SLCO1B3: variants seen among roughly 807,000 people sequenced by gnomAD.
The protein encoded by SLCO1B3 is liver-specific organic anion transporter 2.
Under a neutral mutation model 71.8 loss-of-function variants are expected in SLCO1B3, and 72 were observed. The observed-to-expected ratio is 1.00, with a 90% CI of 0.83 to 1.22. SLCO1B3 has a LOEUF of 1.22. SLCO1B3 is among the 50% of genes most tolerant of loss of function. The pLI, the probability that SLCO1B3 is intolerant of heterozygous loss-of-function variation, is 0.00. For missense variants in SLCO1B3, 911 were observed against 819.7 expected (o/e 1.11, Z -1.36); for synonymous variants, 298 against 278.4 (o/e 1.07, Z -0.70).
At chr12:20,833,903 GTATA>G (rs1376004618) in intron 3 of SLCO1B3, among the ~76,000 whole-genome samples, 13 of 144,384 alleles carry the variant, frequency 9.0e-5, no homozygotes, top group Non-Finnish European at 1.4e-4. Flanking sequence ...ATATATTCAT[GTATA>G]TATAGTAAAC....
chr12:20,833,797 AGT>A (rs1160659803), intron 3 of SLCO1B3, among the ~76,000 whole-genome samples: 2 of 147,730 alleles, frequency 1.4e-5, no homozygotes, highest in African/African-American at 2.5e-5. Context: ...TATTTCATAA[AGT>A]GTGTGTGTAT....
intron 15 of SLCO1B3, among the ~76,000 whole-genome samples, chr12:20,913,324 A>C (rs972178199): frequency 2.6e-5 from 4 of 152,170 alleles, no homozygotes; most frequent in Non-Finnish European, 2.9e-5. Context: ...CTATGGTGAA[A>C]TTGGTTTCAT....
chr12:20,898,595 A>G lies in SLCO1B3; in HGVS notation c.1747+95A>G, dbSNP rs964995555. On this transcript the variant is annotated intron_variant, in intron 14 of 15. Coordinates refer to ENST00000381545, the MANE Select transcript of SLCO1B3 (RefSeq NM_019844.4). ...AATTAATTTTCAACTATAAGACTGT[A>G]TAAAAAAGAATAGGTAAGAATCATT... The G allele has an allele frequency of 9.3e-6, 5 of 537,038 alleles. No homozygotes were observed. The African/African-American group carries it at 9.9e-5, about 11-fold the overall frequency. 33.3% of individuals were successfully genotyped at this position (537,038 alleles called of 1,614,324 possible). A position where few individuals can be genotyped will look rare whatever the true frequency, so the allele number is the denominator to read the frequency against.
At chr12:20,845,199 C>CCAACG in intron 3 of SLCO1B3, 1 of 354,464 alleles carries the variant, frequency 2.8e-6, no homozygotes, top group Non-Finnish European at 5.7e-6. Context: ...ATGGGAGAAG[C>CCAACG]AGATCTACAC....
rs551216184 is a variant in SLCO1B3 at position 20,914,634 on chromosome 12, G to A, written c.1866-1370G>A. On this transcript the variant is annotated intron_variant, in intron 15 of 15. Coordinates refer to ENST00000381545, the MANE Select transcript of SLCO1B3 (RefSeq NM_019844.4). ...TTCTTCCATCTTTATGTATATCCGA[G>A]TTTATGACCTATATCATTTTCCTTC... is the stretch of plus-strand genomic sequence containing the variant. Among the ~76,000 whole-genome samples the A allele has an allele frequency of 4.6e-5, 7 of 152,036 alleles. No homozygotes were observed. In the South Asian group the frequency reaches 1.5e-3, roughly 32 times the overall value.
intron 8 of SLCO1B3, among the ~76,000 whole-genome samples, chr12:20,871,311 C>G (rs1442347450): frequency 6.6e-6 from 1 of 152,132 alleles, no homozygotes; most frequent in Non-Finnish European, 1.5e-5. Context: ...AATTCCTTCT[C>G]TGTGTTATCT....
At chr12:20,888,361 T>C (rs559428963) in intron 13 of SLCO1B3, among the ~76,000 whole-genome samples, 86 of 152,112 alleles carry the variant, frequency 5.7e-4, no homozygotes, top group African/African-American at 2.0e-3. Context: ...TTTTGTGACA[T>C]ATATGACTTT....
chr12:20,896,752 G>A (rs1013352736), intron 13 of SLCO1B3, among the ~76,000 whole-genome samples: 4 of 152,034 alleles, frequency 2.6e-5, no homozygotes, highest in Non-Finnish European at 5.9e-5. Context: ...CCACTCTACC[G>A]GTACCAATTT....
chr12:20,861,659 G>T (rs1173551466), intron 6 of SLCO1B3, among the ~76,000 whole-genome samples: 1 of 152,092 alleles, frequency 6.6e-6, no homozygotes, highest in Non-Finnish European at 1.5e-5. Context: ...AAATGTTATA[G>T]CATTTGAAGA....
At position 20,913,221 on chromosome 12, in the gene SLCO1B3, G is replaced by C. The variant is rs370210115; in HGVS notation, c.1866-2783G>C. Among the ~76,000 whole-genome samples, 124 of 152,200 alleles carry C rather than the reference G, an allele frequency of 8.1e-4. 2 individuals are homozygous for C. In the South Asian group the frequency reaches 0.025, roughly 30 times the overall value. ...ATAATTGTGGGTTCATTTACATTAA[G>C]TATCCACTTAACATTGTCCATAGGT... On this transcript the variant is annotated intron_variant, in intron 15 of 15. Coordinates refer to ENST00000381545, the MANE Select transcript of SLCO1B3 (RefSeq NM_019844.4).
chr12:20,867,973 T>C (rs1865405704), intron 8 of SLCO1B3, among the ~76,000 whole-genome samples: 1 of 152,176 alleles, frequency 6.6e-6, no homozygotes, highest in South Asian at 2.1e-4. Context: ...CCTCTACCTG[T>C]TCAATGTGAA....
At chr12:20,872,807 G>T (rs1249735691) in intron 8 of SLCO1B3, among the ~76,000 whole-genome samples, 1 of 152,022 alleles carries the variant, frequency 6.6e-6, no homozygotes, top group Non-Finnish European at 1.5e-5. Flanking sequence ...AAAATATTTT[G>T]CAATCTATGC....
chr12:20,863,261 G>A (rs189315032), intron 8 of SLCO1B3, among the ~76,000 whole-genome samples: 1,978 of 152,120 alleles, frequency 0.013, 28 homozygotes, highest in Non-Finnish European at 0.02. Flanking sequence ...TACGGCAGGG[G>A]TGGGTTAAGA....
chr12:20,865,069 A>G (rs755977143), intron 8 of SLCO1B3, among the ~76,000 whole-genome samples: 1 of 152,084 alleles, frequency 6.6e-6, no homozygotes, highest in South Asian at 2.1e-4. Flanking sequence ...GAATTTTCCA[A>G]TTTTTAAGAT....
intron 13 of SLCO1B3, among the ~76,000 whole-genome samples, chr12:20,890,759 T>C (rs757964659): frequency 6.6e-6 from 1 of 152,226 alleles, no homozygotes; most frequent in Non-Finnish European, 1.5e-5. Context: ...ATCCTTTATA[T>C]GATAACCTTC....
intron 15 of SLCO1B3, among the ~76,000 whole-genome samples, chr12:20,913,915 C>G (rs1332775939): frequency 6.6e-6 from 1 of 152,076 alleles, no homozygotes; most frequent in Admixed American, 6.6e-5. Flanking sequence ...ACATGCCTAG[C>G]TAATTTTTTG....
chr12:20,885,759 C>T (rs752679821), intron 13 of SLCO1B3, among the ~76,000 whole-genome samples: 4 of 151,620 alleles, frequency 2.6e-5, no homozygotes, highest in African/African-American at 7.3e-5. Context: ...AAGAGAGGTA[C>T]GAAGTACAAT....
At chr12:20,857,934 A>C (rs1865174756) in intron 4 of SLCO1B3, among the ~76,000 whole-genome samples, 1 of 152,130 alleles carries the variant, frequency 6.6e-6, no homozygotes, top group Non-Finnish European at 1.5e-5. Context: ...TAATTAATTT[A>C]AGCTCCCTAT....
intron 3 of SLCO1B3, among the ~76,000 whole-genome samples, chr12:20,823,429 A>C (rs1040775388): frequency 2.0e-5 from 3 of 152,196 alleles, no homozygotes; most frequent in African/African-American, 7.2e-5. Context: ...AAAACTGATA[A>C]ACCTTAGGCA....
Sources: gnomAD v4.1 joint callset for allele counts (sites outside exome capture counted in the v4.1 genomes callset) on GRCh38, gnomAD v4.1.1 for gene constraint, MANE v1.5 for transcripts, NCBI Gene and HGNC (gene_info 2026-07-23, HGNC 2026-07-21) for gene names.